GPR35: variants seen among roughly 807,000 people sequenced by gnomAD.
The protein encoded by GPR35 is KYNA receptor.
For synonymous variants in GPR35, 207 were observed against 198.4 expected, an observed-to-expected ratio of 1.04 and a Z score of -0.36; for missense variants, 372 against 422.5, an observed-to-expected ratio of 0.88 and a Z score of 1.05.
At chr2:240,626,706 C>T (rs1259345119) in intron 1 of GPR35, among the ~76,000 whole-genome samples, 1 of 152,112 alleles carries the variant, frequency 6.6e-6, no homozygotes, top group Non-Finnish European at 1.5e-5. Flanking sequence ...GGGCCCAGGC[C>T]CAGTGGGGTC....
chr2:240,608,458 G>A (rs896070673), intron 2 of GPR35, among the ~76,000 whole-genome samples: 5 of 152,092 alleles, frequency 3.3e-5, no homozygotes, highest in Non-Finnish European at 7.4e-5. Flanking sequence ...CTAGTTTGCC[G>A]AGAGTTTCTA....
At chr2:240,606,765 G>A (rs1294244800) in intron 2 of GPR35, among the ~76,000 whole-genome samples, 2 of 152,232 alleles carry the variant, frequency 1.3e-5, no homozygotes, top group East Asian at 1.9e-4. Flanking sequence ...GCAGTGCGGG[G>A]AGTGGGCTTG....
chr2:240,624,249 C>T, upstream of GPR35, among the ~76,000 whole-genome samples: 1 of 94,636 alleles, frequency 1.1e-5, no homozygotes, highest in African/African-American at 3.0e-5. Context: ...AAATCTGAGC[C>T]TCCTGCCCGA....
intron 2 of GPR35, among the ~76,000 whole-genome samples, chr2:240,612,629 T>C (rs1303092129): frequency 6.6e-6 from 1 of 150,822 alleles, no homozygotes; most frequent in Non-Finnish European, 1.5e-5. Flanking sequence ...CCCGAGGGGG[T>C]GTGAGGAAAT....
At chr2:240,624,015 G>GC (rs918835106), upstream of GPR35, among the ~76,000 whole-genome samples, 6 of 151,874 alleles carry the variant, frequency 4.0e-5, no homozygotes, top group East Asian at 1.9e-4. Context: ...GTGGTGGGGG[G>GC]GGTGGGGGAG....
At chr2:240,619,486 G>C (rs999024779) in intron 5 of GPR35, among the ~76,000 whole-genome samples, 2 of 152,186 alleles carry the variant, frequency 1.3e-5, no homozygotes, top group Admixed American at 1.3e-4. Flanking sequence ...CTTCTTCTGG[G>C]GTTAAGGACC....
Position 240,630,899 on chromosome 2 carries a change from G to A in GPR35, c.*17G>A, listed in dbSNP as rs552670246. The A allele has an allele frequency of 6.9e-5, 111 of 1,597,262 alleles. No homozygotes were observed. The highest frequency in any genetic ancestry group is 1.8e-4 in the South Asian group (16 of 90,596). On this transcript the variant is annotated 3_prime_UTR_variant, in exon 2 of 2. Transcript: ENST00000407714. ...CTCGCCTAAGAGGCGTGCTGTGGGC[G>A]CTGTGGGCCAGGTCTCGGGGGCTCC...
At chr2:240,612,685 T>A (rs1310535429) in intron 2 of GPR35, among the ~76,000 whole-genome samples, 1 of 152,226 alleles carries the variant, frequency 6.6e-6, no homozygotes, top group Non-Finnish European at 1.5e-5. Flanking sequence ...TTTGCAAGAC[T>A]GGCCTGAGCC....
intron 2 of GPR35, among the ~76,000 whole-genome samples, chr2:240,606,945 G>A (rs1422326554): frequency 2.0e-5 from 3 of 152,160 alleles, no homozygotes; most frequent in Admixed American, 6.5e-5. Flanking sequence ...AGGATGAATT[G>A]GAAGTAGAGG....
rs763603700 is a variant in GPR35 at position 240,617,036 on chromosome 2, C to A, written c.-452-54C>A. 5.4e-6 allele frequency: 4 copies of A among 740,766 alleles called. No homozygotes were observed. The South Asian group carries it at 5.7e-5, about 11-fold the overall frequency. The allele number at this position is 740,766 out of a possible 1,614,324, so 45.9% of individuals were successfully genotyped here. A position where few individuals can be genotyped will look rare whatever the true frequency, so the allele number is the denominator to read the frequency against. ...CTGAGCCTTCTGATGAGACTGCAGC[C>A]CCAGCTGACACCTGGATTGCAGACT... On this transcript the variant is annotated intron_variant, in intron 3 of 5. Coordinates refer to the GPR35 transcript ENST00000319838.
At chr2:240,616,939 G>C in intron 3 of GPR35, 1 of 772,582 alleles carries the variant, frequency 1.3e-6, no homozygotes, top group Non-Finnish European at 2.4e-6. Flanking sequence ...GGGGTCCTCA[G>C]GCCAGCTGCC....
chr2:240,614,267 C>G lies in GPR35; in HGVS notation c.-576-2121C>G, dbSNP rs527375167. 1.9e-4 allele frequency among the ~76,000 whole-genome samples: 29 copies of G among 152,334 alleles called. No individual in the cohort carries two copies. The South Asian group carries it at 4.1e-3, about 22-fold the overall frequency. On this transcript the variant is annotated intron_variant, in intron 2 of 5. Transcript: ENST00000319838. Reference sequence around the variant, plus strand: ...GCCTTGTATTGACCACAGCCTGGCTCTAACCCTAACCCTGACTCTAGTCCT... The same window carrying G: ...GCCTTGTATTGACCACAGCCTGGCTGTAACCCTAACCCTGACTCTAGTCCT...
In GPR35 at chr2:240,630,382, G is replaced by T; in HGVS notation, c.430G>T (p.Val144Phe). 2 of 1,610,690 alleles carry T rather than the reference G, an allele frequency of 1.2e-6. No homozygotes were observed. The highest frequency in any genetic ancestry group is 1.7e-6 in the Non-Finnish European group (2 of 1,179,900). Residue 144 changes from valine to phenylalanine, a missense_variant, in exon 2 of 2, where the codon GTC becomes TTC. Physicochemically the swap from Val to Phe is conservative, Grantham distance 50. Transcript: ENST00000407714. ...AAVCAVLWVL[V>F]IGSLVARWLL... ...CGTGTGCGCGGTCCTCTGGGTGCTG[G>T]TCATCGGCTCCCTGGTGGCTCGCTG...
upstream of GPR35, among the ~76,000 whole-genome samples, chr2:240,622,985 G>A (rs2043313756): frequency 6.6e-6 from 1 of 152,236 alleles, no homozygotes; most frequent in Non-Finnish European, 1.5e-5. Flanking sequence ...CCTGCCATCT[G>A]GCCTCTCGAA....
upstream of GPR35, among the ~76,000 whole-genome samples, chr2:240,621,107 A>G (rs1384307031): frequency 2.0e-5 from 3 of 152,176 alleles, no homozygotes; most frequent in African/African-American, 7.2e-5. Flanking sequence ...GGGGTCCACA[A>G]CTGAGCCCCC....
At chr2:240,616,930 G>C (rs1455368906) in intron 3 of GPR35, 1 of 770,302 alleles carries the variant, frequency 1.3e-6, no homozygotes, top group East Asian at 2.4e-5. Context: ...GGAAGATTTG[G>C]GGTCCTCAGG....
At position 240,629,946 on chromosome 2, in the gene GPR35, C is replaced by G. The variant is rs2043419753; in HGVS notation, c.-4-3C>G. The stretch of plus-strand genomic sequence containing the variant: ...TGACCTCCGGCTCCCTGTGCTGCCC[C>G]AGGACCATGAATGGCACCTACAACA... On this transcript the variant is annotated splice_polypyrimidine_tract_variant and splice_region_variant and intron_variant, in intron 1 of 1. Transcript: ENST00000407714. 1 of 1,596,332 alleles carries G rather than the reference C, an allele frequency of 6.3e-7. No individual in the cohort carries two copies. The highest frequency in any genetic ancestry group is 1.7e-5 in the Admixed American group (1 of 59,634).
At chr2:240,618,935 T>G (rs1224198797) in exon 5 of GPR35, 1 of 702,336 alleles carries the variant, frequency 1.4e-6, no homozygotes, top group Non-Finnish European at 2.6e-6. Flanking sequence ...CCTGGGCCCT[T>G]GGGAGAGATG....
Position 240,625,545 on chromosome 2 carries a change from C to T in GPR35, c.-28C>T, listed in dbSNP as rs1167405404. ...TGGCAGCGGGGGTCACACACTCCAC[C>T]CGGGAGGCCAAAGCTGCCTGCAGGT... On this transcript the variant is annotated 5_prime_UTR_variant, in exon 1 of 2. Coordinates refer to ENST00000407714, the MANE Select transcript of GPR35 (RefSeq NM_005301.5). The T allele has an allele frequency of 5.1e-6, 5 of 985,802 alleles. No individual in the cohort carries two copies. The East Asian group carries it at 4.5e-4, about 90-fold the overall frequency. 61.1% of individuals were successfully genotyped at this position (985,802 alleles called of 1,614,324 possible).
Sources: allele counts gnomAD v4.1 joint callset (sites outside exome capture counted in the v4.1 genomes callset), GRCh38; gene constraint gnomAD v4.1.1; transcripts MANE v1.5; gene names NCBI Gene and HGNC (gene_info 2026-07-23, HGNC 2026-07-21).